The following SECISBP2 variants were observed in gnomAD, a reference collection of about 807,000 sequenced individuals.
SECISBP2 encodes the protein selenocysteine insertion sequence-binding protein 2.
In SECISBP2, 96 loss-of-function variants were observed where a neutral mutation model predicts 98.2. The ratio of observed to expected loss-of-function variants is 0.98; its 90% confidence interval spans 0.83 to 1.16. The LOEUF is 1.16. Among genes scored for constraint, SECISBP2 ranks in the 50% most tolerant of loss-of-function variants. SECISBP2 has a pLI of 0.00. For synonymous variants in SECISBP2, 407 were observed against 370.2 expected, an observed-to-expected ratio of 1.10 and a Z score of -1.14; for missense variants, 1,046 against 1,022.9, an observed-to-expected ratio of 1.02 and a Z score of -0.31.
At chr9:89,334,426 T>C (rs1352961915) in intron 6 of SECISBP2, 96 bp from the exon 7 acceptor site, 4 of 1,001,276 alleles carry the variant, frequency 4.0e-6, no homozygotes, top group African/African-American at 3.2e-5. Flanking sequence ...TTAATGATGC[T>C]CTGAGCAGTT....
intron 14 of SECISBP2, chr9:89,354,900 A>G: frequency 1.0e-6 from 1 of 985,420 alleles, no homozygotes; most frequent in Non-Finnish European, 1.2e-6. Flanking sequence ...TATAGATTTC[A>G]CTGTAAGTAT....
At chr9:89,339,734 G>GT in intron 8 of SECISBP2, 130 bp from the exon 9 acceptor site, 1 of 718,050 alleles carries the variant, frequency 1.4e-6, no homozygotes, top group South Asian at 1.6e-5. Context: ...TTATGTGAGA[G>GT]TTTCGCGGCT....
intron 10 of SECISBP2, among the ~76,000 whole-genome samples, chr9:89,341,852 A>T (rs1014450743): frequency 3.9e-5 from 6 of 152,130 alleles, no homozygotes; most frequent in African/African-American, 1.4e-4. Flanking sequence ...TAAAACTCTT[A>T]AAAGAAAACG....
Position 89,349,797 on chromosome 9 carries a change from T to A in SECISBP2, c.1760T>A (p.Leu587Gln). 1 of 1,614,152 alleles carries A rather than the reference T, an allele frequency of 6.2e-7. No individual in the cohort carries two copies. The highest frequency in any genetic ancestry group is 8.5e-7 in the Non-Finnish European group (1 of 1,180,022). ...ELSGPEGMDELISTPSVEDKS... is the reference protein window; with the variant it reads ...ELSGPEGMDEQISTPSVEDKS... ...GAAGGGCCAGAGGGGATGGACGAACTGATCTCCACTCCTTCGGTTGAGGAC... is the reference window on the plus strand; with the variant it reads ...GAAGGGCCAGAGGGGATGGACGAACAGATCTCCACTCCTTCGGTTGAGGAC... Residue 587 changes from leucine (L) to glutamine (Q), a missense_variant, in exon 13 of 17, where the codon CTG becomes CAG. Leu to Gln is a moderately radical substitution (Grantham distance 113). Coordinates refer to ENST00000375807, the MANE Select transcript of SECISBP2 (RefSeq NM_024077.5).
rs1003064984 is a variant in SECISBP2, at chr9:89,325,777, A to AT, written c.432+108dup. ...TGTACATCATATTTAAGTATCATGT[A>AT]TTTTTTTGTATTTAACCTTTTAAAA... On this transcript the variant is annotated intron_variant, in intron 3 of 16. Transcript: ENST00000375807. 2.8e-5 allele frequency: 44 copies of AT among 1,592,382 alleles called. No homozygotes were observed. The Middle Eastern group carries it at 6.7e-4, about 24-fold the overall frequency.
downstream of SECISBP2, chr9:89,364,537 T>G (rs747757035): frequency 1.2e-5 from 2 of 173,452 alleles, no homozygotes; most frequent in Non-Finnish European, 2.5e-5. Context: ...CCTGCAGAAT[T>G]ACACTAGGAC....
In SECISBP2 at chr9:89,325,440, A is replaced by T. The variant is rs906762524; in HGVS notation, c.196A>T (p.Thr66Ser). The change falls in exon 3 of 17, where the codon ACT becomes TCT. Residue 66 changes from threonine to serine, a missense_variant. Coordinates refer to ENST00000375807, the MANE Select transcript of SECISBP2 (RefSeq NM_024077.5). ...CTTTTTACTTAGGCAGAAAATATAT[A>T]CTGAAGACATGGCCTTTGGAGCTTC... ...EPPVTEQKIY[T>S]EDMAFGASTF... 6.2e-7 allele frequency: 1 copy of T among 1,614,048 alleles called. No homozygotes were observed. The highest frequency in any genetic ancestry group is 8.5e-7 in the Non-Finnish European group (1 of 1,179,940).
chr9:89,353,040 C>T (rs7853225), intron 14 of SECISBP2, among the ~76,000 whole-genome samples: 10,006 of 152,098 alleles, frequency 0.066, 459 homozygotes, highest in Middle Eastern at 0.12. Context: ...ACTAAGTAGC[C>T]GACTGGAAAT....
At chr9:89,364,159 G>T, downstream of SECISBP2, 1 of 1,005,302 alleles carries the variant, frequency 9.9e-7, no homozygotes. Context: ...TGGACTTCCT[G>T]CTCTTTGACC....
At chr9:89,324,514 A>T (rs1044977291) in intron 2 of SECISBP2, 3 of 152,226 alleles carry the variant, frequency 2.0e-5, no homozygotes, top group African/African-American at 7.2e-5. Context: ...TTTCTTATTC[A>T]GTGTAGTCTG....
intron 14 of SECISBP2, among the ~76,000 whole-genome samples, chr9:89,352,783 T>C (rs1272591621): frequency 6.6e-6 from 1 of 152,212 alleles, no homozygotes; most frequent in Non-Finnish European, 1.5e-5. Flanking sequence ...TGTATAATTT[T>C]TTACTTCTGA....
At chr9:89,328,932 A>C (rs763275926) in intron 5 of SECISBP2, 46 bp downstream of exon 5, 4 of 1,427,244 alleles carry the variant, frequency 2.8e-6, no homozygotes, top group African/African-American at 1.4e-5. Flanking sequence ...TGTACACTTT[A>C]AATTGTCTCA....
At position 89,318,537 on chromosome 9, in the gene SECISBP2, T is replaced by C; in HGVS notation, c.-40T>C. On this transcript the variant is annotated 5_prime_UTR_variant, in exon 1 of 17. Transcript: ENST00000375807. ...TCTGTCCGGCAAGCCGACGGCCCGCTGCTGGCCTCCGTGACGCGGCCTCCT... is the reference window on the plus strand; with the variant it reads ...TCTGTCCGGCAAGCCGACGGCCCGCCGCTGGCCTCCGTGACGCGGCCTCCT... 1.3e-6 allele frequency: 2 copies of C among 1,512,556 alleles called. No homozygotes were observed. Among genetic ancestry groups the C allele is most frequent in the South Asian group, 1.2e-5 (1 of 82,258 alleles). The allele number at this position is 1,512,556 out of a possible 1,614,324, so 93.7% of individuals were successfully genotyped here.
chr9:89,359,177 G>A lies in SECISBP2; in HGVS notation c.*353G>A. ...CAGAATAGCTGAGCCAAGTGAGTGAGTTTGCAGAAAGCAGGTGGTGAGCTC... is the reference window on the plus strand; with the variant it reads ...CAGAATAGCTGAGCCAAGTGAGTGAATTTGCAGAAAGCAGGTGGTGAGCTC... On this transcript the variant is annotated 3_prime_UTR_variant, in exon 17 of 17. Transcript: ENST00000375807. 3.0e-6 allele frequency: 1 copy of A among 338,920 alleles called. No homozygotes were observed. The highest frequency in any genetic ancestry group is 1.0e-3 in the Middle Eastern group (1 of 966). The allele number at this position is 338,920 out of a possible 1,614,324, so 21.0% of individuals were successfully genotyped here. A position where few individuals can be genotyped will look rare whatever the true frequency, so the allele number is the denominator to read the frequency against.
Position 89,349,786 on chromosome 9 carries a change from G to A in SECISBP2, c.1749G>A (p.Gly583=). The A allele has an allele frequency of 6.2e-7, 1 of 1,614,206 alleles. No individual in the cohort carries two copies. Residue 583 remains glycine (G), a synonymous_variant, in exon 13 of 17, where the codon GGG becomes GGA. Transcript: ENST00000375807. The part of the protein sequence containing the change: ...PEQAELSGPE[G]MDELISTPSV... ...TTTTCCTCCATGAAGGGCCAGAGGG[G>A]ATGGACGAACTGATCTCCACTCCTT...
chr9:89,329,175 C>T (rs548317348), intron 5 of SECISBP2: 8 of 370,562 alleles, frequency 2.2e-5, no homozygotes, highest in African/African-American at 4.2e-5. Flanking sequence ...TGCAGTGGCA[C>T]GATCTCAGCT....
At chr9:89,329,109 T>C in intron 5 of SECISBP2, 1 of 488,616 alleles carries the variant, frequency 2.0e-6, no homozygotes, top group Non-Finnish European at 3.7e-6. Context: ...TTTGTGCGTT[T>C]TGTTTTGTTT....
chr9:89,320,812 A>T (rs1459119739), intron 2 of SECISBP2, among the ~76,000 whole-genome samples: 3 of 151,740 alleles, frequency 2.0e-5, no homozygotes, highest in African/African-American at 7.3e-5. Context: ...GTGTAGATTT[A>T]TTTGTAGATC....
At chr9:89,336,772 T>C (rs1587918960) in intron 7 of SECISBP2, among the ~76,000 whole-genome samples, 1 of 132,956 alleles carries the variant, frequency 7.5e-6, no homozygotes, top group East Asian at 2.0e-4. Flanking sequence ...AATTCTTTTT[T>C]TTTTTTTTTT....
Sources: allele counts gnomAD v4.1 joint callset (sites outside exome capture counted in the v4.1 genomes callset), GRCh38; gene constraint gnomAD v4.1.1; transcripts MANE v1.5; gene names NCBI Gene and HGNC (gene_info 2026-07-23, HGNC 2026-07-21).